ABHD3: variants seen among roughly 807,000 people sequenced by gnomAD.
ABHD3 encodes the protein phospholipase ABHD3.
Under a neutral mutation model 48.8 loss-of-function variants are expected in ABHD3, and 46 were observed. The observed-to-expected ratio is 0.94, with a 90% CI of 0.74 to 1.20. ABHD3 has a LOEUF of 1.20. Among genes scored for constraint, ABHD3 ranks in the 50% most tolerant of loss-of-function variants. ABHD3 has a pLI of 0.00. For missense variants in ABHD3, 490 were observed against 497.8 expected (o/e 0.98, Z 0.15); for synonymous variants, 192 against 183.7 (o/e 1.04, Z -0.36).
chr18:21,697,505 A>T (rs2040399225), intron 3 of ABHD3, among the ~76,000 whole-genome samples: 1 of 152,068 alleles, frequency 6.6e-6, no homozygotes, highest in Admixed American at 6.5e-5. Context: ...TCAGCCTCCC[A>T]AGTAGCTGGA....
At chr18:21,689,675 C>T (rs1235459021) in intron 3 of ABHD3, among the ~76,000 whole-genome samples, 1 of 149,836 alleles carries the variant, frequency 6.7e-6, no homozygotes, top group East Asian at 2.0e-4. Flanking sequence ...AATGGATACA[C>T]AGAGAAAGAG....
intron 4 of ABHD3, chr18:21,682,513 T>C (rs1190286484): frequency 1.3e-5 from 2 of 152,250 alleles, no homozygotes; most frequent in African/African-American, 4.8e-5. Flanking sequence ...TATATTTTAA[T>C]GGACTTGACT....
intron 4 of ABHD3, among the ~76,000 whole-genome samples, chr18:21,678,497 C>T (rs570133621): frequency 1.3e-5 from 2 of 152,018 alleles, no homozygotes; most frequent in Admixed American, 6.6e-5. Flanking sequence ...CTAAAAATAG[C>T]TTTCTGTGTC....
rs1277512056 is a variant in ABHD3 at position 21,704,073 on chromosome 18, A to G, written c.163-326T>C. Among the ~76,000 whole-genome samples the G allele has an allele frequency of 2.6e-5, 4 of 152,220 alleles. No individual in the cohort carries two copies. In the East Asian group the frequency reaches 7.8e-4, roughly 30 times the overall value. ...CGCCCGGCTAATTTTTTGTAATTGT[A>G]ACGGGGTTTCACCATTTTGGTCAGG... On this transcript the variant is annotated intron_variant, in intron 1 of 8. Coordinates refer to ENST00000289119, the MANE Select transcript of ABHD3 (RefSeq NM_138340.5).
intron 4 of ABHD3, among the ~76,000 whole-genome samples, chr18:21,671,200 G>C (rs1425517307): frequency 1.3e-5 from 2 of 152,006 alleles, no homozygotes; most frequent in Admixed American, 1.3e-4. Context: ...CTGACACACA[G>C]GACTAAAAGG....
intron 8 of ABHD3, among the ~76,000 whole-genome samples, chr18:21,653,795 C>G (rs992765277): frequency 3.4e-5 from 5 of 147,844 alleles, no homozygotes; most frequent in Non-Finnish European, 7.4e-5. Context: ...CTAGCTGAGG[C>G]TGAGGTGGGA....
intron 3 of ABHD3, among the ~76,000 whole-genome samples, chr18:21,694,754 C>A (rs1169068946): frequency 6.6e-6 from 1 of 152,168 alleles, no homozygotes; most frequent in Non-Finnish European, 1.5e-5. Flanking sequence ...ATCTATCCAG[C>A]AGTTTGGCTT....
At chr18:21,663,786 G>C (rs2146289952) in intron 5 of ABHD3, 4 of 1,534,490 alleles carry the variant, frequency 2.6e-6, no homozygotes, top group Non-Finnish European at 3.5e-6. Flanking sequence ...TCAGAACGCA[G>C]CTCCAGGGAT....
At chr18:21,675,461 G>C (rs1032498787) in intron 4 of ABHD3, among the ~76,000 whole-genome samples, 2 of 151,812 alleles carry the variant, frequency 1.3e-5, no homozygotes, top group Non-Finnish European at 2.9e-5. Flanking sequence ...TAGAGACAGG[G>C]TTTCACTGTG....
At chr18:21,657,884 T>A (rs1273393246) in intron 6 of ABHD3, among the ~76,000 whole-genome samples, 1 of 151,538 alleles carries the variant, frequency 6.6e-6, no homozygotes, top group East Asian at 1.9e-4. Flanking sequence ...ATAAAAAAAA[T>A]TAAAGAAAGA....
chr18:21,671,359 G>C (rs2039754145), intron 4 of ABHD3, among the ~76,000 whole-genome samples: 2 of 152,044 alleles, frequency 1.3e-5, no homozygotes, highest in African/African-American at 2.4e-5. Context: ...ACAGCCTACA[G>C]AACTTGGGAC....
chr18:21,704,720 C>A lies in ABHD3; in HGVS notation c.-55G>T. Reference sequence around the variant, plus strand: ...GGCGGGAGGAGAGCCGGCTGGCGAGCGGGCGAGAGCGGGCGAGAGCGGACG... The same window carrying A: ...GGCGGGAGGAGAGCCGGCTGGCGAGAGGGCGAGAGCGGGCGAGAGCGGACG... On this transcript the variant is annotated 5_prime_UTR_variant, in exon 1 of 9. Transcript: ENST00000289119. 7.8e-7 allele frequency: 1 copy of A among 1,287,684 alleles called. No homozygotes were observed. The highest frequency in any genetic ancestry group is 1.0e-6 in the Non-Finnish European group (1 of 1,003,164). The allele number at this position is 1,287,684 out of a possible 1,614,324, so 79.8% of individuals were successfully genotyped here.
At chr18:21,671,688 T>C (rs1048311847) in intron 4 of ABHD3, among the ~76,000 whole-genome samples, 1 of 152,202 alleles carries the variant, frequency 6.6e-6, no homozygotes, top group African/African-American at 2.4e-5. Flanking sequence ...CAGCAGATAT[T>C]TGGACATAAA....
intron 5 of ABHD3, among the ~76,000 whole-genome samples, chr18:21,661,102 T>TAAAAAAA (rs35710540): frequency 1.4e-4 from 8 of 57,204 alleles, no homozygotes; most frequent in Non-Finnish European, 1.9e-4. Flanking sequence ...AACTACAAGC[T>TAAAAAAA]AAAAAAAAAA....
Position 21,698,978 on chromosome 18 carries a change from G to C in ABHD3, c.509+3338C>G, listed in dbSNP as rs144758762. ...AGATGGAGCCTTGCTTTGTCTCCTAGACTGGAGTGTAGTGGCACGATCTCA... is the reference window on the plus strand; with the variant it reads ...AGATGGAGCCTTGCTTTGTCTCCTACACTGGAGTGTAGTGGCACGATCTCA... On this transcript the variant is annotated intron_variant, in intron 3 of 8. Coordinates refer to ENST00000289119, the MANE Select transcript of ABHD3 (RefSeq NM_138340.5). 2.2e-4 allele frequency among the ~76,000 whole-genome samples: 33 copies of C among 151,104 alleles called. No individual in the cohort carries two copies. In the East Asian group the frequency reaches 5.7e-3, roughly 26 times the overall value.
intron 8 of ABHD3, chr18:21,655,046 T>G (rs899921947): frequency 1.3e-5 from 2 of 152,154 alleles, no homozygotes; most frequent in Non-Finnish European, 2.9e-5. Context: ...ATTTTCTAAA[T>G]TGTGGTCAAG....
chr18:21,657,768 G>GT (rs1162129913), intron 6 of ABHD3, among the ~76,000 whole-genome samples: 1 of 151,866 alleles, frequency 6.6e-6, no homozygotes, highest in African/African-American at 2.4e-5. Flanking sequence ...TTAAAAGTAC[G>GT]TAACAGTCAT....
chr18:21,669,275 G>A (rs1349496833), intron 4 of ABHD3, among the ~76,000 whole-genome samples: 4 of 152,052 alleles, frequency 2.6e-5, no homozygotes, highest in African/African-American at 7.2e-5. Flanking sequence ...GGTAAAGATC[G>A]ACAGTTTCCA....
At chr18:21,667,395 C>T (rs529242257) in intron 4 of ABHD3, among the ~76,000 whole-genome samples, 3 of 152,034 alleles carry the variant, frequency 2.0e-5, no homozygotes, top group South Asian at 2.1e-4. Flanking sequence ...CAGGCCTGCA[C>T]CACTATGCCT....
Sources: gnomAD v4.1 joint callset for allele counts (sites outside exome capture counted in the v4.1 genomes callset) on GRCh38, gnomAD v4.1.1 for gene constraint, MANE v1.5 for transcripts, NCBI Gene and HGNC (gene_info 2026-07-23, HGNC 2026-07-21) for gene names.